The following MCOLN2 variants were observed in gnomAD, a reference collection of about 807,000 sequenced individuals.
MCOLN2 encodes mucolipin-2.
In MCOLN2, 57 loss-of-function variants were observed where a neutral mutation model predicts 67.5. The observed-to-expected ratio is 0.84, with a 90% CI of 0.68 to 1.05. The LOEUF (loss-of-function observed/expected upper bound fraction) is 1.05. MCOLN2 is among the 50% of genes least tolerant of loss of function. The pLI, the probability that MCOLN2 is intolerant of heterozygous loss-of-function variation, is 0.00. For missense variants in MCOLN2, 620 were observed against 678.8 expected (o/e 0.91, Z 0.96); for synonymous variants, 246 against 233.3 (o/e 1.05, Z -0.50).
At chr1:84,947,489 C>T (rs1205791453) in intron 6 of MCOLN2, among the ~76,000 whole-genome samples, 3 of 152,172 alleles carry the variant, frequency 2.0e-5, no homozygotes, top group Non-Finnish European at 4.4e-5. Flanking sequence ...ACACTGTCTC[C>T]CCAGCCAGGA....
chr1:84,976,844 A>C (rs1259658696), intron 1 of MCOLN2, among the ~76,000 whole-genome samples: 1 of 152,172 alleles, frequency 6.6e-6, no homozygotes, highest in Non-Finnish European at 1.5e-5. Context: ...AATGCTGAAG[A>C]GAGTACTTCA....
intron 9 of MCOLN2, 135 bp from the exon 10 acceptor site, chr1:84,938,217 GA>G (rs1023926161): frequency 3.7e-5 from 17 of 455,322 alleles, no homozygotes; most frequent in African/African-American, 4.0e-5. Context: ...TTTTTTTGAA[GA>G]AAAAAAAGAA....
intron 9 of MCOLN2, among the ~76,000 whole-genome samples, chr1:84,938,652 G>A (rs1356815027): frequency 2.6e-5 from 4 of 152,228 alleles, no homozygotes; most frequent in African/African-American, 7.2e-5. Flanking sequence ...AGGCCTGCAG[G>A]ACAGGCTGGG....
intron 1 of MCOLN2, among the ~76,000 whole-genome samples, chr1:84,983,730 G>T (rs1650372299): frequency 6.8e-6 from 1 of 146,830 alleles, no homozygotes; most frequent in African/African-American, 2.6e-5. Context: ...AGGCTGGAGT[G>T]CAATGGTGCG....
chr1:84,965,336 A>C (rs185015759), intron 2 of MCOLN2, among the ~76,000 whole-genome samples: 104 of 152,312 alleles, frequency 6.8e-4, no homozygotes, highest in Admixed American at 1.8e-3. Flanking sequence ...CATTTATAGA[A>C]TCTGTACAGA....
At chr1:84,953,865 T>C (rs1648641703) in intron 4 of MCOLN2, among the ~76,000 whole-genome samples, 1 of 152,186 alleles carries the variant, frequency 6.6e-6, no homozygotes, top group Non-Finnish European at 1.5e-5. Flanking sequence ...GTGACAGAAC[T>C]GGTATGAAAC....
intron 8 of MCOLN2, among the ~76,000 whole-genome samples, chr1:84,940,185 G>A (rs1169761845): frequency 6.6e-6 from 1 of 152,156 alleles, no homozygotes; most frequent in East Asian, 1.9e-4. Flanking sequence ...ATATCAAGGG[G>A]ATTGGGGAGC....
Position 84,996,805 on chromosome 1 carries a change from A to G in MCOLN2, c.68T>C (p.Leu23Ser). Residue 23 changes from leucine (L) to serine (S), a missense_variant, in exon 1 of 14, where the codon TTA (leucine) becomes TCA (serine). Leu to Ser is a moderately radical substitution (Grantham distance 145, BLOSUM62 -2). Coordinates refer to ENST00000370608, the MANE Select transcript of MCOLN2 (RefSeq NM_153259.4). ...AGCCCAGACTCCTCACCTGACGGTT[A>G]ACCTGAAAACACCTGATCCTCTCTC... is the stretch of plus-strand genomic sequence containing the variant. ...IPERGSGVFR[L>S]TVRNAMAHRD... 6.2e-7 allele frequency: 1 copy of G among 1,614,012 alleles called. No homozygotes were observed. The highest frequency in any genetic ancestry group is 1.1e-5 in the South Asian group (1 of 91,060).
At chr1:84,986,769 C>T (rs545838625) in intron 1 of MCOLN2, among the ~76,000 whole-genome samples, 5 of 152,052 alleles carry the variant, frequency 3.3e-5, no homozygotes, top group African/African-American at 1.2e-4. Context: ...AGCCAACAGA[C>T]ATACGAAAAA....
intron 7 of MCOLN2, among the ~76,000 whole-genome samples, chr1:84,943,378 T>G (rs1450789494): frequency 6.6e-6 from 1 of 152,026 alleles, no homozygotes; most frequent in Admixed American, 6.6e-5. Flanking sequence ...TGACGGCCCC[T>G]CAGAGAGACC....
intron 1 of MCOLN2, among the ~76,000 whole-genome samples, chr1:84,970,152 C>G (rs1649595459): frequency 6.6e-6 from 1 of 152,094 alleles, no homozygotes; most frequent in Non-Finnish European, 1.5e-5. Context: ...AAGCATCCCT[C>G]CTGATGACTC....
intron 13 of MCOLN2, among the ~76,000 whole-genome samples, chr1:84,927,578 C>G (rs1444572475): frequency 6.6e-6 from 1 of 152,212 alleles, no homozygotes; most frequent in East Asian, 1.9e-4. Flanking sequence ...AAAGGAGAAT[C>G]AAATGTGTGC....
chr1:84,947,295 TG>T (rs1648166347), intron 6 of MCOLN2, among the ~76,000 whole-genome samples, 163 bp from the exon 7 acceptor site: 2 of 145,436 alleles, frequency 1.4e-5, no homozygotes, highest in Admixed American at 6.6e-5. Context: ...ACTCATTTCC[TG>T]CACCCCCCAC....
chr1:84,968,444 C>T (rs944621210), intron 1 of MCOLN2, among the ~76,000 whole-genome samples: 1 of 152,074 alleles, frequency 6.6e-6, no homozygotes, highest in Admixed American at 6.5e-5. Context: ...AACACAATGA[C>T]AAACAGGTAG....
intron 11 of MCOLN2, among the ~76,000 whole-genome samples, chr1:84,934,157 A>C (rs12119401): frequency 0.24 from 36,506 of 152,148 alleles, 5,389 homozygotes; most frequent in East Asian, 0.39. Flanking sequence ...GTTTGTTCAA[A>C]ACAAACTTTT....
At chr1:84,943,630 A>C (rs567148014) in intron 7 of MCOLN2, among the ~76,000 whole-genome samples, 3 of 152,274 alleles carry the variant, frequency 2.0e-5, no homozygotes, top group African/African-American at 7.2e-5. Context: ...TGACACTGGC[A>C]TGAGTGTCTG....
At chr1:84,928,958 C>T (rs1439229879) in intron 13 of MCOLN2, among the ~76,000 whole-genome samples, 1 of 151,986 alleles carries the variant, frequency 6.6e-6, no homozygotes, top group Non-Finnish European at 1.5e-5. Flanking sequence ...CAAACATAGG[C>T]ACATTAAAAA....
intron 13 of MCOLN2, among the ~76,000 whole-genome samples, chr1:84,927,259 T>C (rs1661208762): frequency 6.6e-6 from 1 of 151,798 alleles, no homozygotes; most frequent in Admixed American, 6.6e-5. Context: ...AATAAATACA[T>C]TGGTTTGTTT....
chr1:84,969,075 G>A (rs1292395223), intron 1 of MCOLN2, among the ~76,000 whole-genome samples: 10 of 152,218 alleles, frequency 6.6e-5, no homozygotes, highest in Non-Finnish European at 1.3e-4. Context: ...AGTTCCTGGA[G>A]GGTGTTGTAC....
Sources: gnomAD v4.1 joint callset for allele counts (sites outside exome capture counted in the v4.1 genomes callset) on GRCh38, gnomAD v4.1.1 for gene constraint, MANE v1.5 for transcripts, NCBI Gene and HGNC (gene_info 2026-07-23, HGNC 2026-07-21) for gene names.